Variants in NTRK3 observed in about 807,000 individuals in gnomAD.
NTRK3 encodes the protein neurotrophic receptor tyrosine kinase 3, also known as NT-3 growth factor receptor.
Under a neutral mutation model 91.7 loss-of-function variants are expected in NTRK3, and 24 were observed. The observed-to-expected ratio is 0.26, with a 90% CI of 0.19 to 0.37. The LOEUF is 0.37. Among genes scored for constraint, NTRK3 ranks in the 10% least tolerant of loss-of-function variants. The probability of loss-of-function intolerance (pLI) is 1.00; values close to 1 mark genes in which losing one functional copy is unlikely to be tolerated. For synonymous variants in NTRK3, 483 were observed against 404.0 expected (o/e 1.20, Z -2.34); for missense variants, 880 against 1,068.9 (o/e 0.82, Z 2.46).
chr15:88,117,726 G>GT (rs1488575538), intron 13 of NTRK3, among the ~76,000 whole-genome samples: 1 of 152,212 alleles, frequency 6.6e-6, no homozygotes, highest in East Asian at 1.9e-4. Flanking sequence ...CTGGCTTGTG[G>GT]TAACAGAGTT....
chr15:87,884,372 T>G (rs1407524037), intron 17 of NTRK3, among the ~76,000 whole-genome samples: 2 of 151,562 alleles, frequency 1.3e-5, no homozygotes, highest in Non-Finnish European at 3.0e-5. Flanking sequence ...AAGGTTCAGA[T>G]AGTTTTCTGG....
At chr15:88,109,527 A>T (rs2051092230) in intron 13 of NTRK3, among the ~76,000 whole-genome samples, 1 of 152,166 alleles carries the variant, frequency 6.6e-6, no homozygotes, top group Non-Finnish European at 1.5e-5. Context: ...AGTGCCAGAG[A>T]CGTCGTGGGA....
At chr15:87,971,596 G>C (rs1031858454) in intron 14 of NTRK3, among the ~76,000 whole-genome samples, 4 of 152,220 alleles carry the variant, frequency 2.6e-5, no homozygotes, top group Non-Finnish European at 5.9e-5. Context: ...ACCCAGTGCT[G>C]AGAAAGACTG....
chr15:87,950,721 T>C (rs900618146), intron 14 of NTRK3, among the ~76,000 whole-genome samples: 5 of 152,222 alleles, frequency 3.3e-5, no homozygotes, highest in African/African-American at 1.2e-4. Flanking sequence ...CAGTCGTACA[T>C]TTGGAGCGTG....
At chr15:88,081,620 G>T (rs1415943753) in intron 13 of NTRK3, among the ~76,000 whole-genome samples, 3 of 152,212 alleles carry the variant, frequency 2.0e-5, no homozygotes, top group Admixed American at 6.5e-5. Flanking sequence ...AGGGTAGGAG[G>T]CAAGGGCTGT....
intron 14 of NTRK3, among the ~76,000 whole-genome samples, chr15:88,025,018 G>A (rs1426473061): frequency 6.6e-6 from 1 of 152,220 alleles, no homozygotes; most frequent in Non-Finnish European, 1.5e-5. Context: ...GCAGAAGAGA[G>A]AAAGGTTGGT....
chr15:88,200,594 C>T lies in NTRK3; in HGVS notation c.249-16295G>A, dbSNP rs958755983. On this transcript the variant is annotated intron_variant, in intron 3 of 18. Coordinates refer to ENST00000394480, the Ensembl canonical transcript of NTRK3. ...TGATGGTTTTATAAGGGGCTCTTCCCTCTTTGCTCAGCACTTCTCCTTCCT... is the reference window on the plus strand; with the variant it reads ...TGATGGTTTTATAAGGGGCTCTTCCTTCTTTGCTCAGCACTTCTCCTTCCT... Among the ~76,000 whole-genome samples the T allele has an allele frequency of 2.6e-5, 4 of 152,176 alleles. No individual in the cohort carries two copies. The East Asian group carries it at 5.8e-4, about 22-fold the overall frequency.
chr15:88,149,663 C>T (rs1286702744), intron 5 of NTRK3, among the ~76,000 whole-genome samples: 1 of 152,246 alleles, frequency 6.6e-6, no homozygotes, highest in Non-Finnish European at 1.5e-5. Flanking sequence ...AGGACACCAC[C>T]TGGGGCAAAG....
intron 5 of NTRK3, among the ~76,000 whole-genome samples, chr15:88,167,919 C>T (rs1567568706): frequency 6.6e-6 from 1 of 152,164 alleles, no homozygotes; most frequent in African/African-American, 2.4e-5. Context: ...TTGTAAGAAA[C>T]TTGCTGTGTG....
intron 14 of NTRK3, among the ~76,000 whole-genome samples, chr15:87,949,243 T>C (rs531946917): frequency 2.6e-5 from 4 of 152,106 alleles, no homozygotes; most frequent in Non-Finnish European, 4.4e-5. Flanking sequence ...GACTTATTTA[T>C]GTCCTGGCTC....
chr15:88,177,162 G>A (rs551684103), intron 5 of NTRK3, among the ~76,000 whole-genome samples: 4 of 152,306 alleles, frequency 2.6e-5, no homozygotes, highest in Non-Finnish European at 5.9e-5. Context: ...TAGAGAGGGA[G>A]ACAGAAACTA....
chr15:88,179,561 C>T lies in NTRK3; in HGVS notation c.395+3857G>A, dbSNP rs918195033. 4.6e-5 allele frequency among the ~76,000 whole-genome samples: 7 copies of T among 152,202 alleles called. No homozygotes were observed. In the South Asian group the frequency reaches 1.2e-3, roughly 27 times the overall value. ...ATTGTTTGAGTGCAGCTCAGACAGA[C>T]GTCTACATTCTTCATGTATGGGGAT... is the stretch of plus-strand genomic sequence containing the variant. On this transcript the variant is annotated intron_variant, in intron 5 of 18. Transcript: ENST00000394480.
intron 17 of NTRK3, among the ~76,000 whole-genome samples, chr15:87,903,742 T>G (rs550407359): frequency 6.6e-6 from 1 of 152,202 alleles, no homozygotes; most frequent in Admixed American, 6.5e-5. Context: ...ACTGTATTGG[T>G]TTTCCCCAGA....
chr15:88,120,874 C>T (rs2052630968), intron 13 of NTRK3, among the ~76,000 whole-genome samples: 1 of 152,234 alleles, frequency 6.6e-6, no homozygotes, highest in Non-Finnish European at 1.5e-5. Context: ...TGGCACATCA[C>T]TGCATCTCTC....
chr15:87,977,928 G>A (rs768119728), intron 14 of NTRK3: 4 of 232,564 alleles, frequency 1.7e-5, no homozygotes, highest in Non-Finnish European at 3.4e-5. Flanking sequence ...CTCTACTAGT[G>A]TGCAACACCA....
At chr15:88,204,204 T>C (rs1292831530) in intron 3 of NTRK3, among the ~76,000 whole-genome samples, 1 of 152,188 alleles carries the variant, frequency 6.6e-6, no homozygotes, top group South Asian at 2.1e-4. Flanking sequence ...AACTCTCTCC[T>C]CCATTGGATT....
Position 88,075,148 on chromosome 15 carries a change from T to C in NTRK3, c.1397-42103A>G, listed in dbSNP as rs142727485. ...TGTAAACTGTACAGTGACCCTGCAG[T>C]GTGCATCCCTCAGCTGCCTGGATCA... On this transcript the variant is annotated intron_variant, in intron 13 of 18. Transcript: ENST00000394480. Among the ~76,000 whole-genome samples, 617 of 152,290 alleles carry C rather than the reference T, an allele frequency of 4.1e-3. 30 individuals carry two copies. In the South Asian group the frequency reaches 0.099, roughly 24 times the overall value.
intron 13 of NTRK3, among the ~76,000 whole-genome samples, chr15:88,117,895 C>T (rs1694584153): frequency 6.6e-6 from 1 of 152,204 alleles, no homozygotes; most frequent in Non-Finnish European, 1.5e-5. Flanking sequence ...GCTTCCTTCC[C>T]TGGAACAGGT....
rs117753608 is a variant in NTRK3, at chr15:87,951,314, C to T, written c.1586-10561G>A. 2.8e-4 allele frequency among the ~76,000 whole-genome samples: 42 copies of T among 152,298 alleles called. 1 individual carries two copies. The East Asian group carries it at 7.9e-3, about 29-fold the overall frequency. ...TCTCTGCTTATTTTGTTGCCCCCTA[C>T]ATAAGCTCACCTCCTGGGCAGCTCA... is the stretch of plus-strand genomic sequence containing the variant. On this transcript the variant is annotated intron_variant, in intron 14 of 18. Coordinates refer to ENST00000394480, the Ensembl canonical transcript of NTRK3.
Sources: gnomAD v4.1 joint callset for allele counts (sites outside exome capture counted in the v4.1 genomes callset) on GRCh38, gnomAD v4.1.1 for gene constraint, MANE v1.5 for transcripts, NCBI Gene and HGNC (gene_info 2026-07-23, HGNC 2026-07-21) for gene names.